Variants in FHIT observed in about 807,000 individuals in gnomAD.
FHIT encodes the protein fragile histidine triad diadenosine triphosphatase, also known as bis(5'-adenosyl)-triphosphatase.
In FHIT, 19 loss-of-function variants were observed where a neutral mutation model predicts 17.9. That is an observed-to-expected ratio of 1.06 (90% CI 0.74 to 1.56). The LOEUF is 1.56. Among genes scored for constraint, FHIT ranks in the 40% most tolerant of loss-of-function variants. The probability of loss-of-function intolerance (pLI) is 0.00; values close to 1 mark genes in which losing one functional copy is unlikely to be tolerated. For synonymous variants in FHIT, 81 were observed against 69.7 expected, an observed-to-expected ratio of 1.16 and a Z score of -0.81; for missense variants, 248 against 189.2, an observed-to-expected ratio of 1.31 and a Z score of -1.82.
chr3:59,759,538 C>T (rs1701396022), intron 8 of FHIT, among the ~76,000 whole-genome samples: 4 of 152,156 alleles, frequency 2.6e-5, no homozygotes, highest in Admixed American at 2.6e-4. Flanking sequence ...GCTTCCCTGC[C>T]AAGATTGCTC....
chr3:60,407,871 C>T (rs1003444407), intron 5 of FHIT, among the ~76,000 whole-genome samples: 1 of 152,046 alleles, frequency 6.6e-6, no homozygotes, highest in African/African-American at 2.4e-5. Flanking sequence ...AAATAGGAGC[C>T]CCTACATTTC....
intron 5 of FHIT, among the ~76,000 whole-genome samples, chr3:60,068,073 TA>T (rs1422836472): frequency 6.6e-6 from 1 of 151,706 alleles, no homozygotes; most frequent in Non-Finnish European, 1.5e-5. Flanking sequence ...CCGTCTCTAC[TA>T]AAAAAACAAA....
intron 4 of FHIT, among the ~76,000 whole-genome samples, chr3:60,689,169 A>G (rs1348312394): frequency 6.6e-6 from 1 of 152,120 alleles, no homozygotes; most frequent in Non-Finnish European, 1.5e-5. Flanking sequence ...TCCACATAAG[A>G]TGTGACTTGC....
chr3:60,217,010 G>C (rs143431882), intron 5 of FHIT, among the ~76,000 whole-genome samples: 12 of 152,254 alleles, frequency 7.9e-5, no homozygotes, highest in African/African-American at 2.9e-4. Context: ...AAAAGGAGGA[G>C]AAGTGTGATA....
chr3:60,782,812 A>G lies in FHIT; in HGVS notation c.-18+39107T>C, dbSNP rs144439430. Reference sequence around the variant, plus strand: ...TTGCTCTCTGCTTCCAAGACAGTACATTGTTTCTGTATCCTCACGTGGACG... The same window carrying G: ...TTGCTCTCTGCTTCCAAGACAGTACGTTGTTTCTGTATCCTCACGTGGACG... On this transcript the variant is annotated intron_variant, in intron 4 of 9. Transcript: ENST00000492590. Among the ~76,000 whole-genome samples, 666 of 152,244 alleles carry G rather than the reference A, an allele frequency of 4.4e-3. 3 individuals carry two copies. The highest frequency in any genetic ancestry group is 8.1e-3 in the Non-Finnish European group (553 of 68,022).
intron 8 of FHIT, among the ~76,000 whole-genome samples, chr3:59,901,793 G>A (rs547345916): frequency 1.4e-3 from 208 of 152,220 alleles, no homozygotes; most frequent in African/African-American, 4.4e-3. Context: ...ATACCCTAGA[G>A]AAATGAAAAC....
intron 3 of FHIT, among the ~76,000 whole-genome samples, chr3:60,947,570 G>C (rs1708693048): frequency 6.6e-6 from 1 of 152,050 alleles, no homozygotes; most frequent in Admixed American, 6.6e-5. Context: ...TATTCTAATT[G>C]GTTGCATTCA....
At chr3:60,188,203 CTTTCTTT>C (rs1702244379) in intron 5 of FHIT, among the ~76,000 whole-genome samples, 1 of 64,054 alleles carries the variant, frequency 1.6e-5, no homozygotes, top group African/African-American at 5.0e-5. Flanking sequence ...TTGACAGTTT[CTTTCTTT>C]TTTTTTTTTT....
At chr3:60,393,376 T>C (rs1277349902) in intron 5 of FHIT, among the ~76,000 whole-genome samples, 3 of 150,336 alleles carry the variant, frequency 2.0e-5, no homozygotes, top group East Asian at 1.9e-4. Flanking sequence ...TGAAAAAATA[T>C]ATATATTTTT....
At chr3:61,249,546 T>C (rs1245244138) in intron 1 of FHIT, among the ~76,000 whole-genome samples, 3 of 152,316 alleles carry the variant, frequency 2.0e-5, no homozygotes, top group East Asian at 3.9e-4. Context: ...AAGCAGAGAC[T>C]GTTAAGCAGA....
intron 2 of FHIT, among the ~76,000 whole-genome samples, chr3:61,073,718 T>G (rs960640033): frequency 3.3e-5 from 5 of 152,152 alleles, no homozygotes; most frequent in Non-Finnish European, 5.9e-5. Flanking sequence ...TAAGAAGGGC[T>G]AACAGTGTCC....
At chr3:60,464,588 C>A (rs942462530) in intron 5 of FHIT, among the ~76,000 whole-genome samples, 1 of 152,098 alleles carries the variant, frequency 6.6e-6, no homozygotes, top group Non-Finnish European at 1.5e-5. Flanking sequence ...TTTTAGTTCT[C>A]ACAAAGAAGT....
At chr3:59,884,653 T>G (rs544144771) in intron 8 of FHIT, among the ~76,000 whole-genome samples, 1 of 152,200 alleles carries the variant, frequency 6.6e-6, no homozygotes, top group Non-Finnish European at 1.5e-5. Flanking sequence ...GGTGACAGAT[T>G]TGAAAGCTCT....
intron 5 of FHIT, among the ~76,000 whole-genome samples, chr3:60,140,303 C>G (rs1344467529): frequency 6.6e-6 from 1 of 152,088 alleles, no homozygotes; most frequent in Non-Finnish European, 1.5e-5. Flanking sequence ...ACAGCTACTC[C>G]CCTCACATGA....
chr3:59,954,231 C>CAAATTTTTTTTTTTTTTTTTTTTTTTTT (rs1707278614), intron 7 of FHIT, among the ~76,000 whole-genome samples: 1 of 140,736 alleles, frequency 7.1e-6, no homozygotes, highest in Non-Finnish European at 1.5e-5. Context: ...GTTTTTTTTT[C>CAAATTTTTTTTTTTTTTTTTTTTTTTTT]TTTTTTTTCC....
chr3:60,195,450 C>G lies in FHIT; in HGVS notation c.104-181298G>C, dbSNP rs538405156. Among the ~76,000 whole-genome samples the G allele has an allele frequency of 8.6e-5, 13 of 150,518 alleles. No individual in the cohort carries two copies. The South Asian group carries it at 2.3e-3, about 27-fold the overall frequency. ...GTAAGTCATGAGATCAAAAAAGACA[C>G]CTGCACACATATATTTATTGCAACA... On this transcript the variant is annotated intron_variant, in intron 5 of 9. Coordinates refer to ENST00000492590, the MANE Select transcript of FHIT (RefSeq NM_002012.4).
At chr3:60,017,353 G>C (rs139543857) in intron 5 of FHIT, among the ~76,000 whole-genome samples, 9 of 147,624 alleles carry the variant, frequency 6.1e-5, no homozygotes, top group East Asian at 3.9e-4. Flanking sequence ...GATCAAAAAG[G>C]GGGGAGAGTA....
intron 5 of FHIT, among the ~76,000 whole-genome samples, chr3:60,081,729 G>C (rs530751339): frequency 1.3e-5 from 2 of 152,098 alleles, no homozygotes; most frequent in African/African-American, 4.8e-5. Flanking sequence ...AGATCTGTGG[G>C]GTGTGTGAAT....
chr3:60,660,674 G>T (rs944526703), intron 4 of FHIT, among the ~76,000 whole-genome samples: 1 of 128,972 alleles, frequency 7.8e-6, no homozygotes, highest in Non-Finnish European at 1.6e-5. Context: ...TCTCATTATG[G>T]TTTATATTTG....
Sources: allele counts gnomAD v4.1 joint callset (sites outside exome capture counted in the v4.1 genomes callset), GRCh38; gene constraint gnomAD v4.1.1; transcripts MANE v1.5; gene names NCBI Gene and HGNC (gene_info 2026-07-23, HGNC 2026-07-21).